AFF3: variants seen among roughly 807,000 people sequenced by gnomAD.
AFF3 encodes the protein AF4/FMR2 family member 3.
AFF3 carries 32 observed loss-of-function variants against 129.7 expected under a neutral mutation model. The ratio of observed to expected loss-of-function variants is 0.25; its 90% confidence interval spans 0.19 to 0.33. AFF3 has a LOEUF of 0.33. Among genes scored for constraint, AFF3 ranks in the 10% least tolerant of loss-of-function variants. The probability of loss-of-function intolerance (pLI) is 1.00; values close to 1 mark genes in which losing one functional copy is unlikely to be tolerated. For synonymous variants in AFF3, 644 were observed against 635.4 expected, an observed-to-expected ratio of 1.01 and a Z score of -0.20; for missense variants, 1,373 against 1,592.0, an observed-to-expected ratio of 0.86 and a Z score of 2.34.
At chr2:99,936,918 T>TC (rs1362185691) in intron 7 of AFF3, among the ~76,000 whole-genome samples, 1 of 152,192 alleles carries the variant, frequency 6.6e-6, no homozygotes, top group African/African-American at 2.4e-5. Context: ...AGCACAGCTC[T>TC]CAGCCTCTCA....
chr2:99,708,573 G>C (rs1405887147), intron 11 of AFF3, among the ~76,000 whole-genome samples: 2 of 152,140 alleles, frequency 1.3e-5, no homozygotes, highest in African/African-American at 4.8e-5. Flanking sequence ...ACCAAATTTA[G>C]TACTTTTGAA....
chr2:99,853,337 TAC>T (rs1690284806), intron 7 of AFF3, among the ~76,000 whole-genome samples: 2 of 152,348 alleles, frequency 1.3e-5, no homozygotes, highest in South Asian at 4.1e-4. Flanking sequence ...CCTTGGTGTT[TAC>T]AGTTACTTGA....
chr2:99,733,993 T>C (rs1558797785), intron 10 of AFF3, among the ~76,000 whole-genome samples: 1 of 152,246 alleles, frequency 6.6e-6, no homozygotes, highest in Non-Finnish European at 1.5e-5. Flanking sequence ...TGGAGCTGTA[T>C]TAAATCTATA....
At chr2:99,947,653 T>TAGACAGACAGACAGACAGACAGAC (rs869305084) in intron 7 of AFF3, among the ~76,000 whole-genome samples, 1 of 123,188 alleles carries the variant, frequency 8.1e-6, no homozygotes, top group African/African-American at 2.9e-5. Flanking sequence ...GATAGATAGA[T>TAGACAGACAGACAGACAGACAGAC]AGACAGACAG....
chr2:99,606,552 G>T (rs999643552), intron 13 of AFF3, among the ~76,000 whole-genome samples: 4 of 151,634 alleles, frequency 2.6e-5, no homozygotes, highest in Admixed American at 1.3e-4. Flanking sequence ...GGGTTAATGA[G>T]TTTTTTTTTT....
At chr2:99,637,795 G>A (rs931859014) in intron 13 of AFF3, among the ~76,000 whole-genome samples, 5 of 152,136 alleles carry the variant, frequency 3.3e-5, no homozygotes, top group Admixed American at 6.5e-5. Flanking sequence ...ACTATGAGAC[G>A]TCATGCGTAT....
Position 99,837,527 on chromosome 2 carries a change from G to A in AFF3, c.874-3C>T. ...TTGGTTTCTCCAGATCTACTCTCCT[G>A]AAAGCAAAGAAAAAAAAATTAAGCC... On this transcript the variant is annotated splice_region_variant and splice_polypyrimidine_tract_variant and intron_variant, in intron 7 of 24. Coordinates refer to ENST00000672756, the MANE Select transcript of AFF3 (RefSeq NM_001386135.1). 6.2e-7 allele frequency: 1 copy of A among 1,612,582 alleles called. No homozygotes were observed. Among genetic ancestry groups the A allele is most frequent in the Non-Finnish European group, 8.5e-7 (1 of 1,179,424 alleles).
chr2:99,940,604 T>G (rs190470541), intron 7 of AFF3, among the ~76,000 whole-genome samples: 2 of 152,316 alleles, frequency 1.3e-5, no homozygotes, highest in East Asian at 3.9e-4. Flanking sequence ...GAAGTTACCC[T>G]ATATGGTCTA....
At chr2:99,855,347 A>C (rs1033989898) in intron 7 of AFF3, among the ~76,000 whole-genome samples, 3 of 152,210 alleles carry the variant, frequency 2.0e-5, no homozygotes, top group African/African-American at 7.2e-5. Flanking sequence ...TTACAAAAAA[A>C]TTAAGAGAAT....
At chr2:99,977,172 T>C (rs902681230) in intron 7 of AFF3, among the ~76,000 whole-genome samples, 1 of 152,182 alleles carries the variant, frequency 6.6e-6, no homozygotes, top group African/African-American at 2.4e-5. Context: ...GGAGGATAAA[T>C]CTTACCACTG....
intron 7 of AFF3, among the ~76,000 whole-genome samples, chr2:99,966,465 C>T (rs1189198111): frequency 3.3e-5 from 5 of 151,470 alleles, no homozygotes; most frequent in Non-Finnish European, 5.9e-5. Flanking sequence ...CCGAGGCGGG[C>T]GGATCACGAG....
chr2:99,689,763 A>G (rs905234066), intron 11 of AFF3, among the ~76,000 whole-genome samples: 1 of 151,764 alleles, frequency 6.6e-6, no homozygotes, highest in Non-Finnish European at 1.5e-5. Flanking sequence ...AATGGAATAC[A>G]TTTAAAATAC....
At chr2:99,954,312 A>G (rs1178825503) in intron 7 of AFF3, among the ~76,000 whole-genome samples, 1 of 152,188 alleles carries the variant, frequency 6.6e-6, no homozygotes, top group African/African-American at 2.4e-5. Context: ...GTCACATCTT[A>G]GGGCTATTCT....
intron 7 of AFF3, among the ~76,000 whole-genome samples, chr2:99,881,233 T>C (rs928248248): frequency 2.2e-4 from 34 of 152,166 alleles, no homozygotes; most frequent in African/African-American, 8.2e-4. Flanking sequence ...TAGGGATAAA[T>C]AGCATCCACT....
chr2:99,826,015 A>T (rs372137870), intron 8 of AFF3, among the ~76,000 whole-genome samples: 130 of 151,806 alleles, frequency 8.6e-4, no homozygotes, highest in Middle Eastern at 3.4e-3. Flanking sequence ...CACTTAAAAA[A>T]TTTTTTTTTA....
chr2:99,969,097 G>C (rs760727479), intron 7 of AFF3, among the ~76,000 whole-genome samples: 5 of 152,210 alleles, frequency 3.3e-5, no homozygotes, highest in Non-Finnish European at 7.3e-5. Flanking sequence ...TGGAGTGTGG[G>C]AGCAGTTTTC....
intron 21 of AFF3, 41 bp downstream of exon 21, chr2:99,560,324 C>A: frequency 6.2e-7 from 1 of 1,601,178 alleles, no homozygotes; most frequent in Non-Finnish European, 8.5e-7. Flanking sequence ...TGATGGCATG[C>A]GAGGCTGGGG....
chr2:99,913,205 T>C (rs896041662), intron 7 of AFF3, among the ~76,000 whole-genome samples: 5 of 152,250 alleles, frequency 3.3e-5, no homozygotes, highest in Non-Finnish European at 7.3e-5. Flanking sequence ...TAAAGAATTA[T>C]TTTAAACAAA....
chr2:99,930,708 A>C (rs1696609044), intron 7 of AFF3, among the ~76,000 whole-genome samples: 1 of 152,212 alleles, frequency 6.6e-6, no homozygotes, highest in Non-Finnish European at 1.5e-5. Flanking sequence ...GGGAGGGAAG[A>C]AGAGACTAGC....
Sources: gnomAD v4.1 joint callset for allele counts (sites outside exome capture counted in the v4.1 genomes callset) on GRCh38, gnomAD v4.1.1 for gene constraint, MANE v1.5 for transcripts, NCBI Gene and HGNC (gene_info 2026-07-23, HGNC 2026-07-21) for gene names.